The following PDE1C variants were observed in gnomAD, a reference collection of about 807,000 sequenced individuals.
PDE1C encodes the protein phosphodiesterase 1C, also known as dual specificity calcium/calmodulin-dependent 3',5'-cyclic nucleotide phosphodiesterase 1C.
PDE1C carries 62 observed loss-of-function variants against 93.1 expected under a neutral mutation model. That is an observed-to-expected ratio of 0.67 (90% CI 0.54 to 0.82). PDE1C has a LOEUF of 0.82. Among genes scored for constraint, PDE1C ranks in the 40% least tolerant of loss-of-function variants. The pLI, the probability that PDE1C is intolerant of heterozygous loss-of-function variation, is 0.00. For missense variants in PDE1C, 742 were observed against 884.6 expected (o/e 0.84, Z 2.04); for synonymous variants, 325 against 310.1 (o/e 1.05, Z -0.50).
intron 2 of PDE1C, among the ~76,000 whole-genome samples, chr7:32,031,056 G>A (rs1001057868): frequency 2.3e-4 from 35 of 152,136 alleles, no homozygotes; most frequent in African/African-American, 7.0e-4. Context: ...TTTCTGTCTC[G>A]TGAAGATTCA....
intron 3 of PDE1C, among the ~76,000 whole-genome samples, chr7:32,131,562 G>A (rs1434537894): frequency 1.3e-5 from 2 of 152,142 alleles, no homozygotes; most frequent in Non-Finnish European, 2.9e-5. Context: ...TAGAGTCAAT[G>A]AGGCCTATTG....
intron 9 of PDE1C, among the ~76,000 whole-genome samples, chr7:31,843,907 T>C (rs1001895800): frequency 3.3e-5 from 5 of 151,798 alleles, no homozygotes; most frequent in Non-Finnish European, 7.4e-5. Flanking sequence ...TTAATCTTTT[T>C]AGTGGTTGCT....
the PDE1C span, among the ~76,000 whole-genome samples, chr7:31,727,306 T>C: frequency 1 from 152,323 of 152,324 alleles, 76,161 homozygotes; most frequent in Middle Eastern, 1. Flanking sequence ...TGGAGGGCAT[T>C]GAAACAAGAT....
chr7:32,314,587 G>A (rs1412137252), intron 1 of PDE1C, among the ~76,000 whole-genome samples: 1 of 152,166 alleles, frequency 6.6e-6, no homozygotes, highest in African/African-American at 2.4e-5. Context: ...GCCATCATGG[G>A]TTAAGCTCTG....
At chr7:32,285,827 G>A (rs1379625569) in intron 1 of PDE1C, among the ~76,000 whole-genome samples, 1 of 148,584 alleles carries the variant, frequency 6.7e-6, no homozygotes, top group Non-Finnish European at 1.5e-5. Flanking sequence ...GAGAATAAGG[G>A]GAGGGGAAGG....
At chr7:32,361,994 C>A (rs1431011621) in intron 1 of PDE1C, among the ~76,000 whole-genome samples, 1 of 152,218 alleles carries the variant, frequency 6.6e-6, no homozygotes. Flanking sequence ...AATGGCTCTG[C>A]TCTGTGGAGA....
At chr7:32,319,142 C>G (rs994067960) in intron 1 of PDE1C, among the ~76,000 whole-genome samples, 3 of 152,228 alleles carry the variant, frequency 2.0e-5, no homozygotes, top group African/African-American at 7.2e-5. Context: ...CTGCTCCCGA[C>G]GCCTGCCTCT....
chr7:31,720,950 GAA>G, the PDE1C span, among the ~76,000 whole-genome samples: 1 of 151,688 alleles, frequency 6.6e-6, no homozygotes, highest in Admixed American at 6.6e-5. Context: ...TAATTTCAGA[GAA>G]AAAAAAGAGT....
At chr7:32,103,320 C>T (rs1798128802) in intron 3 of PDE1C, among the ~76,000 whole-genome samples, 1 of 152,126 alleles carries the variant, frequency 6.6e-6, no homozygotes, top group South Asian at 2.1e-4. Context: ...TTGATTCTCA[C>T]TGCAGAACCC....
chr7:32,198,616 T>C (rs1175948542), intron 2 of PDE1C, among the ~76,000 whole-genome samples: 1 of 152,138 alleles, frequency 6.6e-6, no homozygotes, highest in Non-Finnish European at 1.5e-5. Flanking sequence ...TACATTTGTG[T>C]CCTAGGCAGC....
chr7:32,355,739 T>C (rs969684573), intron 1 of PDE1C, among the ~76,000 whole-genome samples: 1 of 152,244 alleles, frequency 6.6e-6, no homozygotes, highest in African/African-American at 2.4e-5. Context: ...TATGACTTAT[T>C]TATCTTTGCA....
At chr7:32,421,920 G>C (rs558381241) in intron 1 of PDE1C, among the ~76,000 whole-genome samples, 3 of 152,276 alleles carry the variant, frequency 2.0e-5, no homozygotes, top group African/African-American at 7.2e-5. Flanking sequence ...CAGGTTACTT[G>C]ATTCTGCCCC....
chr7:32,282,307 T>A (rs537894182), intron 1 of PDE1C, among the ~76,000 whole-genome samples: 2 of 151,786 alleles, frequency 1.3e-5, no homozygotes, highest in African/African-American at 4.8e-5. Flanking sequence ...AGAAACCCTG[T>A]CTCTACTAAA....
chr7:32,333,215 T>C (rs1372435545), intron 1 of PDE1C, among the ~76,000 whole-genome samples: 1 of 152,206 alleles, frequency 6.6e-6, no homozygotes, highest in East Asian at 1.9e-4. Context: ...GCAAAATCAT[T>C]GCATTTACAA....
intron 2 of PDE1C, among the ~76,000 whole-genome samples, chr7:32,206,425 A>G (rs1007624506): frequency 2.6e-5 from 4 of 152,136 alleles, no homozygotes; most frequent in Non-Finnish European, 4.4e-5. Flanking sequence ...AGACATGTCT[A>G]GAGAGGAGGG....
chr7:32,319,712 C>T (rs891602921), intron 1 of PDE1C, among the ~76,000 whole-genome samples: 3 of 152,194 alleles, frequency 2.0e-5, no homozygotes, highest in Admixed American at 6.5e-5. Context: ...GGCTTGGAAC[C>T]CTGTCTTCAA....
At chr7:32,016,238 A>G (rs1352657875) in intron 2 of PDE1C, among the ~76,000 whole-genome samples, 1 of 152,196 alleles carries the variant, frequency 6.6e-6, no homozygotes, top group Non-Finnish European at 1.5e-5. Context: ...GACCTATAAC[A>G]CTGCCGCTTT....
chr7:31,749,743 TTTTTTTTTA>T (rs1243450820), downstream of PDE1C, among the ~76,000 whole-genome samples: 1 of 145,844 alleles, frequency 6.9e-6, no homozygotes, highest in Non-Finnish European at 1.5e-5. Flanking sequence ...TAATTTTTTT[TTTTTTTTTA>T]TTTGAGACAG....
At chr7:31,690,374 A>G in the PDE1C span, among the ~76,000 whole-genome samples, 7 of 152,212 alleles carry the variant, frequency 4.6e-5, no homozygotes, top group Non-Finnish European at 1.0e-4. Flanking sequence ...TTTACAGATG[A>G]GGAAACTCAG....
Sources: allele counts gnomAD v4.1 joint callset (sites outside exome capture counted in the v4.1 genomes callset), GRCh38; gene constraint gnomAD v4.1.1; transcripts MANE v1.5; gene names NCBI Gene and HGNC (gene_info 2026-07-23, HGNC 2026-07-21).